NALCN: variants seen among roughly 807,000 people sequenced by gnomAD.
NALCN encodes the protein sodium leak channel NALCN.
A neutral mutation model predicts 225.3 loss-of-function variants in NALCN; 111 were observed. The observed-to-expected ratio is 0.49, with a 90% CI of 0.42 to 0.58. The LOEUF (loss-of-function observed/expected upper bound fraction) is 0.58. NALCN is among the 20% of genes least tolerant of loss of function. The pLI, the probability that NALCN is intolerant of heterozygous loss-of-function variation, is 0.00. For missense variants in NALCN, 1,378 were observed against 2,202.4 expected (o/e 0.63, Z 7.49); for synonymous variants, 764 against 769.0 (o/e 0.99, Z 0.11).
chr13:101,395,903 A>G (rs538613703), intron 2 of NALCN, among the ~76,000 whole-genome samples: 3 of 152,198 alleles, frequency 2.0e-5, no homozygotes, highest in Non-Finnish European at 4.4e-5. Context: ...ATGAATTGAT[A>G]TATAACACAT....
At chr13:101,123,199 G>C (rs777445402) in intron 18 of NALCN, among the ~76,000 whole-genome samples, 1 of 152,208 alleles carries the variant, frequency 6.6e-6, no homozygotes, top group Non-Finnish European at 1.5e-5. Context: ...TTCACACAGA[G>C]GGCCCATTCA....
At chr13:101,068,470 A>T (rs766832241) in intron 38 of NALCN, among the ~76,000 whole-genome samples, 3 of 152,246 alleles carry the variant, frequency 2.0e-5, no homozygotes, top group Non-Finnish European at 4.4e-5. Flanking sequence ...AGCCCTTTTG[A>T]AATTAATGAT....
At chr13:101,143,613 C>T (rs183167816) in intron 16 of NALCN, among the ~76,000 whole-genome samples, 4 of 152,142 alleles carry the variant, frequency 2.6e-5, no homozygotes, top group East Asian at 1.9e-4. Flanking sequence ...TACAGGCATG[C>T]GCCACCACGC....
At position 101,099,135 on chromosome 13, in the gene NALCN, G is replaced by T. The variant is rs554380158; in HGVS notation, c.3162+1649C>A. On this transcript the variant is annotated intron_variant, in intron 27 of 43. Coordinates refer to ENST00000251127, the MANE Select transcript of NALCN (RefSeq NM_052867.4). ...ATCCTGAAGTGTTATTATCTTTCTG[G>T]CCTCTGTTCAGTGTGGATCAAAAAT... is the stretch of plus-strand genomic sequence containing the variant. 2.0e-5 allele frequency among the ~76,000 whole-genome samples: 3 copies of T among 151,058 alleles called. No homozygotes were observed. The South Asian group carries it at 6.2e-4, about 31-fold the overall frequency.
intron 15 of NALCN, among the ~76,000 whole-genome samples, chr13:101,147,348 CTCTCTCTTTT>C (rs1318546905): frequency 1.4e-5 from 2 of 143,722 alleles, no homozygotes; most frequent in African/African-American, 5.3e-5. Context: ...TTCTTCCTCT[CTCTCTCTTTT>C]TTTTTTTTTT....
Position 101,054,299 on chromosome 13 carries a change from A to ATTAT in NALCN, c.*992_*995dup, listed in dbSNP as rs1185856200. On this transcript the variant is annotated 3_prime_UTR_variant, in exon 44 of 44. Transcript: ENST00000251127. ...TCAAAGGAAGATTTTGCAGGGCACC[A>ATTAT]TTATTTCCATAGAAGATTCTTTTAA... 1 of 152,168 alleles carries ATTAT rather than the reference A, an allele frequency of 6.6e-6. No individual in the cohort carries two copies. Among genetic ancestry groups the ATTAT allele is most frequent in the East Asian group, 1.9e-4 (1 of 5,176 alleles). The allele number at this position is 152,168 out of a possible 1,614,324, so 9.4% of individuals were successfully genotyped here.
intron 10 of NALCN, 74 bp from the exon 11 acceptor site, chr13:101,258,648 G>T: frequency 6.3e-7 from 1 of 1,588,368 alleles, no homozygotes; most frequent in South Asian, 1.1e-5. Context: ...CTTAGTCCTT[G>T]GCTGACAGCA....
chr13:101,244,895 T>C (rs1196437237), intron 11 of NALCN, among the ~76,000 whole-genome samples: 1 of 152,210 alleles, frequency 6.6e-6, no homozygotes, highest in Non-Finnish European at 1.5e-5. Context: ...TGCAGTGAAC[T>C]CAACCTTGAT....
At chr13:101,147,799 T>A (rs962366421) in intron 15 of NALCN, among the ~76,000 whole-genome samples, 2 of 151,998 alleles carry the variant, frequency 1.3e-5, no homozygotes, top group African/African-American at 4.8e-5. Context: ...CGGGTTCCAG[T>A]CACATCCTTC....
chr13:101,077,358 C>G (rs962968659), intron 34 of NALCN, among the ~76,000 whole-genome samples: 1 of 152,130 alleles, frequency 6.6e-6, no homozygotes, highest in Non-Finnish European at 1.5e-5. Context: ...GAGGTTGGAA[C>G]AATTTGGAGG....
At chr13:101,252,011 G>T (rs1290759746) in intron 11 of NALCN, among the ~76,000 whole-genome samples, 1 of 152,178 alleles carries the variant, frequency 6.6e-6, no homozygotes, top group African/African-American at 2.4e-5. Context: ...GACAAACACT[G>T]ACTTGGAAAT....
At chr13:101,305,054 C>T (rs12873521) in intron 7 of NALCN, among the ~76,000 whole-genome samples, 35,484 of 152,018 alleles carry the variant, frequency 0.23, 4,980 homozygotes, top group South Asian at 0.32. Context: ...CGCACCCGGC[C>T]TGGCCTGGAA....
intron 18 of NALCN, chr13:101,116,518 G>A (rs150766183): frequency 2.7e-4 from 139 of 516,420 alleles, no homozygotes; most frequent in African/African-American, 2.0e-3. Flanking sequence ...GGGGGTCCCC[G>A]GTTCTTTTCT....
chr13:101,218,481 C>A (rs796493896), intron 13 of NALCN, among the ~76,000 whole-genome samples: 7 of 152,194 alleles, frequency 4.6e-5, no homozygotes, highest in Non-Finnish European at 1.0e-4. Flanking sequence ...CTTGTAGATG[C>A]CATTCCAGTC....
intron 10 of NALCN, among the ~76,000 whole-genome samples, chr13:101,283,086 G>T (rs1473030805): frequency 6.6e-6 from 1 of 152,206 alleles, no homozygotes. Context: ...AACCAAAAAG[G>T]CTAAAGAAAA....
chr13:101,327,524 C>A (rs1352227729), intron 7 of NALCN, among the ~76,000 whole-genome samples: 2 of 152,170 alleles, frequency 1.3e-5, no homozygotes, highest in Non-Finnish European at 2.9e-5. Flanking sequence ...AACCTATTAT[C>A]CACTTTTCAA....
In NALCN at chr13:101,081,508, A is replaced by G. The variant is rs745979487; in HGVS notation, c.3885+19T>C. ...AAACTGAAATAATCAGCTGAAATCA[A>G]CTTGACTTCTATGCTTACCAGGAGG... On this transcript the variant is annotated intron_variant, in intron 34 of 43. Transcript: ENST00000251127. 1.2e-6 allele frequency: 2 copies of G among 1,613,430 alleles called. No individual in the cohort carries two copies. The highest frequency in any genetic ancestry group is 2.2e-5 in the East Asian group (1 of 44,860).
chr13:101,394,845 G>A (rs1391495614), intron 3 of NALCN, among the ~76,000 whole-genome samples: 1 of 152,010 alleles, frequency 6.6e-6, no homozygotes, highest in Non-Finnish European at 1.5e-5. Context: ...AAATAATAAG[G>A]TGCTTCTCTG....
At chr13:101,203,056 GA>G (rs1348050419) in intron 13 of NALCN, among the ~76,000 whole-genome samples, 1 of 152,124 alleles carries the variant, frequency 6.6e-6, no homozygotes, top group East Asian at 1.9e-4. Flanking sequence ...ATTGTCACTC[GA>G]AGATTGTTTT....
Sources: gnomAD v4.1 joint callset for allele counts (sites outside exome capture counted in the v4.1 genomes callset) on GRCh38, gnomAD v4.1.1 for gene constraint, MANE v1.5 for transcripts, NCBI Gene and HGNC (gene_info 2026-07-23, HGNC 2026-07-21) for gene names.